The following PHACTR1 variants were observed in gnomAD, a reference collection of about 807,000 sequenced individuals.
The protein encoded by PHACTR1 is phosphatase and actin regulator 1, also known as RPEL repeat containing 1.
Under a neutral mutation model 69.2 loss-of-function variants are expected in PHACTR1, and 16 were observed. That is an observed-to-expected ratio of 0.23 (90% CI 0.16 to 0.35). The LOEUF (loss-of-function observed/expected upper bound fraction) is 0.35, where lower values mean the gene tolerates loss of function less well. PHACTR1 is among the 10% of genes least tolerant of loss of function. The pLI is 1.00. For synonymous variants in PHACTR1, 312 were observed against 284.5 expected, an observed-to-expected ratio of 1.10 and a Z score of -0.97; for missense variants, 510 against 734.7, an observed-to-expected ratio of 0.69 and a Z score of 3.54.
At chr6:13,023,946 A>C (rs1801337801) in intron 4 of PHACTR1, among the ~76,000 whole-genome samples, 1 of 152,120 alleles carries the variant, frequency 6.6e-6, no homozygotes, top group African/African-American at 2.4e-5. Flanking sequence ...GCATGGTGGC[A>C]CTTGCCTATA....
chr6:13,115,207 A>G (rs984716631), intron 5 of PHACTR1, among the ~76,000 whole-genome samples: 1 of 152,212 alleles, frequency 6.6e-6, no homozygotes, highest in African/African-American at 2.4e-5. Flanking sequence ...GACTTGGGAC[A>G]GACTCAGCCC....
chr6:13,161,141 G>C (rs1046595763), intron 6 of PHACTR1, among the ~76,000 whole-genome samples: 1 of 151,936 alleles, frequency 6.6e-6, no homozygotes, highest in Non-Finnish European at 1.5e-5. Flanking sequence ...CACCACACCT[G>C]GCCAATTTTT....
At chr6:13,037,782 G>A (rs1236746389) in intron 4 of PHACTR1, among the ~76,000 whole-genome samples, 4 of 152,184 alleles carry the variant, frequency 2.6e-5, no homozygotes, top group Non-Finnish European at 4.4e-5. Context: ...AGACTTGAGG[G>A]CAAGTAACAA....
chr6:13,214,029 GT>G (rs1767288039), intron 8 of PHACTR1: 1 of 152,130 alleles, frequency 6.6e-6, no homozygotes, highest in Non-Finnish European at 1.5e-5. Context: ...GTTACAAACT[GT>G]CTCAATTATA....
intron 10 of PHACTR1, among the ~76,000 whole-genome samples, chr6:13,234,279 T>C (rs528742886): frequency 2.6e-5 from 4 of 152,370 alleles, no homozygotes; most frequent in Non-Finnish European, 2.9e-5. Context: ...CTGAGGGCAT[T>C]AGACTAGGTC....
chr6:13,122,421 T>C (rs138948337), intron 5 of PHACTR1, among the ~76,000 whole-genome samples: 17 of 152,358 alleles, frequency 1.1e-4, no homozygotes, highest in African/African-American at 3.6e-4. Context: ...GCTTCGTAAC[T>C]GTCAGAAGAA....
intron 10 of PHACTR1, among the ~76,000 whole-genome samples, chr6:13,235,949 A>G (rs1048643051): frequency 6.6e-6 from 1 of 152,350 alleles, no homozygotes; most frequent in African/African-American, 2.4e-5. Context: ...GTGCCTCACC[A>G]TATACACAGG....
chr6:12,963,113 A>G (rs899852252), intron 4 of PHACTR1, among the ~76,000 whole-genome samples: 8 of 152,268 alleles, frequency 5.3e-5, no homozygotes, highest in African/African-American at 1.9e-4. Flanking sequence ...CTCAGAATTC[A>G]GAGAAAGAGA....
intron 4 of PHACTR1, among the ~76,000 whole-genome samples, chr6:13,006,870 A>G (rs1166768153): frequency 6.6e-6 from 1 of 152,176 alleles, no homozygotes. Flanking sequence ...GCTATCTTGA[A>G]CTTCAGTTAT....
At position 13,246,185 on chromosome 6, in the gene PHACTR1, T is replaced by A. The variant is rs753838378; in HGVS notation, c.1391+15992T>A. Among the ~76,000 whole-genome samples the A allele has an allele frequency of 6.6e-6, 1 of 152,214 alleles. No homozygotes were observed. The highest frequency in any genetic ancestry group is 1.5e-5 in the Non-Finnish European group (1 of 68,026). The stretch of plus-strand genomic sequence containing the variant: ...CAGGCCAGTTGTTAGTTAGCAACCA[T>A]AACAACTCATATATCTTCGTTGATT... On this transcript the variant is annotated intron_variant, in intron 10 of 14. Coordinates refer to ENST00000332995, the MANE Select transcript of PHACTR1 (RefSeq NM_030948.6). The surrounding 1 kb of genome is among the most constrained non-coding windows in gnomAD (Gnocchi z 4.2).
At chr6:12,962,762 A>C (rs1041467097) in intron 4 of PHACTR1, among the ~76,000 whole-genome samples, 7 of 152,220 alleles carry the variant, frequency 4.6e-5, no homozygotes, top group African/African-American at 1.7e-4. Flanking sequence ...CTTTGAGGTC[A>C]AAAGGATTAC....
At chr6:12,846,096 A>G (rs1172833722) in intron 4 of PHACTR1, among the ~76,000 whole-genome samples, 1 of 152,076 alleles carries the variant, frequency 6.6e-6, no homozygotes, top group Non-Finnish European at 1.5e-5. Flanking sequence ...AAACAAACAA[A>G]CTGAGTTCCA....
chr6:13,259,183 T>A (rs1200009766), intron 10 of PHACTR1, among the ~76,000 whole-genome samples: 1 of 152,224 alleles, frequency 6.6e-6, no homozygotes, highest in Non-Finnish European at 1.5e-5. Context: ...ATTAACTACC[T>A]TAATTTCTGT....
intron 4 of PHACTR1, among the ~76,000 whole-genome samples, chr6:12,975,842 C>T (rs1562080966): frequency 6.6e-6 from 1 of 152,226 alleles, no homozygotes; most frequent in African/African-American, 2.4e-5. Flanking sequence ...GCCTCAGCCT[C>T]CCAAAGTGCT....
chr6:13,059,377 A>G (rs1368191566), intron 5 of PHACTR1, among the ~76,000 whole-genome samples: 1 of 152,154 alleles, frequency 6.6e-6, no homozygotes, highest in African/African-American at 2.4e-5. Flanking sequence ...GATCTACTGT[A>G]TAATACAGTG....
intron 8 of PHACTR1, among the ~76,000 whole-genome samples, chr6:13,226,271 A>C (rs548841561): frequency 6.6e-6 from 1 of 152,350 alleles, no homozygotes; most frequent in Admixed American, 6.5e-5. Flanking sequence ...AGCTCTTTGC[A>C]AACAATGGAA....
chr6:12,911,447 C>G (rs1209629933), intron 4 of PHACTR1, among the ~76,000 whole-genome samples: 1 of 152,150 alleles, frequency 6.6e-6, no homozygotes, highest in Non-Finnish European at 1.5e-5. Flanking sequence ...ATTGCATATC[C>G]TTTATCTTAG....
chr6:13,068,646 G>A (rs1227875373), intron 5 of PHACTR1, among the ~76,000 whole-genome samples: 2 of 152,128 alleles, frequency 1.3e-5, no homozygotes, highest in African/African-American at 4.8e-5. Flanking sequence ...GTTTTGTTCC[G>A]TAGTTTCCTG....
At chr6:12,846,492 A>G (rs1162228894) in intron 4 of PHACTR1, among the ~76,000 whole-genome samples, 1 of 152,208 alleles carries the variant, frequency 6.6e-6, no homozygotes, top group Non-Finnish European at 1.5e-5. Flanking sequence ...GTTTCCTAAC[A>G]AAACTGAGTA....
Sources: gnomAD v4.1 joint callset for allele counts (sites outside exome capture counted in the v4.1 genomes callset) on GRCh38, gnomAD v4.1.1 for gene constraint, Gnocchi (gnomAD v3.1) non-coding constraint, MANE v1.5 for transcripts, NCBI Gene and HGNC (gene_info 2026-07-23, HGNC 2026-07-21) for gene names.